GTF2I: variants seen among roughly 807,000 people sequenced by gnomAD.
The protein encoded by GTF2I is general transcription factor II-I.
In GTF2I, 12 loss-of-function variants were observed where a neutral mutation model predicts 67.6. That is an observed-to-expected ratio of 0.18 (90% confidence interval 0.11 to 0.29). The LOEUF (loss-of-function observed/expected upper bound fraction) is 0.29. Among genes scored for constraint, GTF2I ranks in the 10% least tolerant of loss-of-function variants. The probability of loss-of-function intolerance (pLI) is 1.00; values close to 1 mark genes in which losing one functional copy is unlikely to be tolerated. For missense variants in GTF2I, 271 were observed against 580.1 expected (o/e 0.47, Z 5.47); for synonymous variants, 149 against 197.0 (o/e 0.76, Z 2.04).
At chr7:74,675,572 G>T (rs1486800990) in intron 1 of GTF2I, among the ~76,000 whole-genome samples, 1 of 152,070 alleles carries the variant, frequency 6.6e-6, no homozygotes, top group Non-Finnish European at 1.5e-5. Context: ...GGGGCAGAAG[G>T]TCAGTTCATA....
intron 1 of GTF2I, among the ~76,000 whole-genome samples, chr7:74,674,636 T>C (rs1209104288): frequency 6.6e-6 from 1 of 151,998 alleles, no homozygotes; most frequent in Non-Finnish European, 1.5e-5. Context: ...CCTCCCGGTT[T>C]CAAGCAATTC....
intron 1 of GTF2I, among the ~76,000 whole-genome samples, chr7:74,681,785 G>A (rs186686649): frequency 2.0e-5 from 3 of 151,886 alleles, no homozygotes; most frequent in East Asian, 3.9e-4. Flanking sequence ...GGTGGTGCAC[G>A]CCTGTAATCC....
chr7:74,665,705 T>C (rs1330287607), intron 1 of GTF2I, among the ~76,000 whole-genome samples: 1 of 152,346 alleles, frequency 6.6e-6, no homozygotes, highest in African/African-American at 2.4e-5. Context: ...TTTTGGGAAA[T>C]TGAGGAAGCG....
At chr7:74,693,587 C>T (rs1360896809) in intron 3 of GTF2I, among the ~76,000 whole-genome samples, 1 of 152,058 alleles carries the variant, frequency 6.6e-6, no homozygotes, top group African/African-American at 2.4e-5. Context: ...TGGCTCATGC[C>T]TGTCATCCTA....
intron 3 of GTF2I, among the ~76,000 whole-genome samples, chr7:74,693,485 C>T (rs781810134): frequency 6.6e-6 from 1 of 151,900 alleles, no homozygotes; most frequent in Admixed American, 6.6e-5. Context: ...GTTCTGACTG[C>T]TTCACCAATC....
In GTF2I at chr7:74,699,035, G is replaced by C. The variant is rs782413639; in HGVS notation, c.313G>C (p.Asp105His). ...AACCCAGGCAAATCGGATGAGTGTA[G>C]ATGCTGTAGAAATTGAAACACTCAG... The part of the protein sequence containing the change: ...STTQANRMSV[D>H]AVEIETLRKT... The change falls in exon 4 of 35, where the codon GAT becomes CAT. Residue 105 changes from aspartate to histidine, a missense_variant. Transcript: ENST00000573035. The C allele has an allele frequency of 1.9e-6, 3 of 1,558,048 alleles. No homozygotes were observed. The highest frequency in any genetic ancestry group is 2.6e-6 in the Non-Finnish European group (3 of 1,148,008).
intron 1 of GTF2I, among the ~76,000 whole-genome samples, chr7:74,661,089 C>G (rs1804442436): frequency 6.6e-6 from 1 of 152,164 alleles, no homozygotes. Flanking sequence ...GTTCTGTACT[C>G]TTGCTTGCCT....
At chr7:74,705,608 A>C (rs1790544391) in intron 7 of GTF2I, among the ~76,000 whole-genome samples, 1 of 148,862 alleles carries the variant, frequency 6.7e-6, no homozygotes, top group South Asian at 2.1e-4. Context: ...CCCATGCTAG[A>C]GTGAAGTGGC....
At chr7:74,701,758 C>A (rs1554399936) in intron 6 of GTF2I, among the ~76,000 whole-genome samples, 1 of 152,142 alleles carries the variant, frequency 6.6e-6, no homozygotes, top group East Asian at 1.9e-4. Context: ...AGCCACTGTG[C>A]CCAGCCAAAT....
chr7:74,707,679 C>T (rs1459463574), intron 8 of GTF2I, among the ~76,000 whole-genome samples: 1 of 152,082 alleles, frequency 6.6e-6, no homozygotes, highest in Non-Finnish European at 1.5e-5. Flanking sequence ...CATAGGAAAT[C>T]TCAAATTTTT....
intron 6 of GTF2I, among the ~76,000 whole-genome samples, chr7:74,701,033 T>C (rs1402907934): frequency 6.6e-6 from 1 of 152,204 alleles, no homozygotes; most frequent in African/African-American, 2.4e-5. Flanking sequence ...TTCTGTAAAA[T>C]GAACATGGCA....
intron 3 of GTF2I, among the ~76,000 whole-genome samples, chr7:74,695,223 A>G (rs587769752): frequency 6.6e-6 from 1 of 152,212 alleles, no homozygotes; most frequent in South Asian, 2.1e-4. Context: ...CTCCATGAAC[A>G]CTGTTGAAAT....
intron 12 of GTF2I, among the ~76,000 whole-genome samples, chr7:74,725,429 A>G (rs1488576659): frequency 6.6e-6 from 1 of 152,064 alleles, no homozygotes; most frequent in Non-Finnish European, 1.5e-5. Flanking sequence ...GCTCACACCT[A>G]TAATCCCAGC....
chr7:74,669,609 C>T (rs1805285655), intron 1 of GTF2I, among the ~76,000 whole-genome samples: 1 of 151,774 alleles, frequency 6.6e-6, no homozygotes, highest in East Asian at 1.9e-4. Flanking sequence ...GATCTCGGCT[C>T]ACTGAAACCT....
chr7:74,711,201 AT>A (rs1791500755), intron 9 of GTF2I, 92 bp downstream of exon 9: 3 of 597,618 alleles, frequency 5.0e-6, no homozygotes, highest in South Asian at 2.2e-5. Flanking sequence ...CTTAAATAAT[AT>A]TTTATTGATC....
intron 10 of GTF2I, among the ~76,000 whole-genome samples, chr7:74,715,366 T>C (rs587639317): frequency 7.2e-5 from 11 of 152,238 alleles, no homozygotes; most frequent in Admixed American, 7.2e-4. Context: ...TTGATACTCA[T>C]AGGCTATTAG....
intron 1 of GTF2I, among the ~76,000 whole-genome samples, chr7:74,672,341 G>GACC (rs1198519272): frequency 6.6e-6 from 1 of 151,700 alleles, no homozygotes; most frequent in African/African-American, 2.4e-5. Context: ...AGGAGTTTGA[G>GACC]ACCAGCCTGG....
chr7:74,714,796 G>C, intron 9 of GTF2I, 61 bp from the exon 10 acceptor site: 1 of 1,128,732 alleles, frequency 8.9e-7, no homozygotes, highest in Non-Finnish European at 1.3e-6. Context: ...GTTGACTAAA[G>C]TCACCCCACA....
chr7:74,725,555 G>A (rs929062239), intron 12 of GTF2I, among the ~76,000 whole-genome samples: 3 of 150,684 alleles, frequency 2.0e-5, no homozygotes, highest in Admixed American at 1.3e-4. Flanking sequence ...TTAGCTGGGC[G>A]TGGTGGTGCA....
Sources: gnomAD v4.1 joint callset for allele counts (sites outside exome capture counted in the v4.1 genomes callset) on GRCh38, gnomAD v4.1.1 for gene constraint, MANE v1.5 for transcripts, NCBI Gene and HGNC (gene_info 2026-07-23, HGNC 2026-07-21) for gene names.